The following FAM110C variants were observed in gnomAD, a reference collection of about 807,000 sequenced individuals.
FAM110C encodes the protein protein FAM110C.
A neutral mutation model predicts 15.7 loss-of-function variants in FAM110C; 19 were observed. The ratio of observed to expected loss-of-function variants is 1.21; its 90% CI spans 0.85 to 1.78. The LOEUF (loss-of-function observed/expected upper bound fraction) is 1.78. Among genes scored for constraint, FAM110C ranks in the 40% most tolerant of loss-of-function variants. The pLI, the probability that FAM110C is intolerant of heterozygous loss-of-function variation, is 0.00. For missense variants in FAM110C, 547 were observed against 495.7 expected, an observed-to-expected ratio of 1.10 and a Z score of -0.98; for synonymous variants, 275 against 233.9, an observed-to-expected ratio of 1.18 and a Z score of -1.61.
intron 1 of FAM110C, chr2:44,447 A>G: frequency 1.0e-6 from 1 of 985,438 alleles, no homozygotes; most frequent in Non-Finnish European, 1.2e-6. Context: ...ATCTTCACTT[A>G]GTTTATCACA....
Position 42,110 on chromosome 2 carries a change from G to A in FAM110C, c.947-483C>T, listed in dbSNP as rs142351333. Reference sequence around the variant, plus strand: ...GTGGCCTTATGGCTACTCAAGCCACGTGTTTACCTAAAATGTGCTCCTAGT... The same window carrying A: ...GTGGCCTTATGGCTACTCAAGCCACATGTTTACCTAAAATGTGCTCCTAGT... On this transcript the variant is annotated intron_variant, in intron 1 of 1. Transcript: ENST00000327669. The A allele has an allele frequency of 4.4e-4, 435 of 985,384 alleles. No homozygotes were observed. In the African/African-American group the frequency reaches 6.4e-3, roughly 14 times the overall value. 61.0% of individuals were successfully genotyped at this position (985,384 alleles called of 1,614,324 possible). A position where few individuals can be genotyped will look rare whatever the true frequency, so the allele number is the denominator to read the frequency against.
At chr2:41,914 G>A in intron 1 of FAM110C, 2 of 985,382 alleles carry the variant, frequency 2.0e-6, no homozygotes, top group Non-Finnish European at 2.4e-6. Context: ...GGGCAGTAAA[G>A]AAAATTTCTT....
chr2:46,437 G>A lies in FAM110C; in HGVS notation c.-52C>T, dbSNP rs1432064319. ...TTCCGGGTCCAGCGGAGACGCGCTCGAGTGGTAGAGCCAGTCAGTCCCAGG... is the reference window on the plus strand; with the variant it reads ...TTCCGGGTCCAGCGGAGACGCGCTCAAGTGGTAGAGCCAGTCAGTCCCAGG... On this transcript the variant is annotated 5_prime_UTR_variant, in exon 1 of 2. Transcript: ENST00000327669. 1 of 1,230,184 alleles carries A rather than the reference G, an allele frequency of 8.1e-7. No individual in the cohort carries two copies. The highest frequency in any genetic ancestry group is 3.0e-5 in the South Asian group (1 of 33,206). The allele number at this position is 1,230,184 out of a possible 1,614,324, so 76.2% of individuals were successfully genotyped here.
In FAM110C at chr2:40,785, A is replaced by G. The variant is rs548165424; in HGVS notation, c.*823T>C. ...AAGAGAACCATGGAGTACATTCTAA[A>G]TAGTGCTGCAAAAGTGAAATGTTGT... On this transcript the variant is annotated 3_prime_UTR_variant, in exon 2 of 2. Coordinates refer to ENST00000327669, the MANE Select transcript of FAM110C (RefSeq NM_001077710.3). The G allele has an allele frequency of 2.0e-5, 3 of 152,368 alleles. No homozygotes were observed. The highest frequency in any genetic ancestry group is 7.2e-5 in the African/African-American group (3 of 41,584). 9.4% of individuals were successfully genotyped at this position (152,368 alleles called of 1,614,324 possible). A position where few individuals can be genotyped will look rare whatever the true frequency, so the allele number is the denominator to read the frequency against.
rs1490947350 is a variant in FAM110C, at chr2:40,142, A to T, written c.*1466T>A. On this transcript the variant is annotated 3_prime_UTR_variant, in exon 2 of 2. Coordinates refer to ENST00000327669, the MANE Select transcript of FAM110C (RefSeq NM_001077710.3). ...ATTACACAATATACACAAAGAGATG[A>T]CCAAGAAAAACATGATTTAAAATTA... 1 of 152,222 alleles carries T rather than the reference A, an allele frequency of 6.6e-6. No individual in the cohort carries two copies. The highest frequency in any genetic ancestry group is 2.4e-5 in the African/African-American group (1 of 41,452). 9.4% of individuals were successfully genotyped at this position (152,222 alleles called of 1,614,324 possible).
Position 45,868 on chromosome 2 carries a change from C to T in FAM110C, c.518G>A (p.Arg173Gln). The change falls in exon 1 of 2, where the codon CGG becomes CAG. Residue 173 changes from arginine (R) to glutamine (Q), a missense_variant. Coordinates refer to ENST00000327669, the MANE Select transcript of FAM110C (RefSeq NM_001077710.3). ...CGGGACACTGGAGGGCGCCGCGGACCGCGCGGCTGGGGCTGGGGTCTCGGG... is the reference window on the plus strand; with the variant it reads ...CGGGACACTGGAGGGCGCCGCGGACTGCGCGGCTGGGGCTGGGGTCTCGGG... ...AIPETPAPAA[R>Q]SAAPSSVPAA... The T allele has an allele frequency of 1.3e-6, 2 of 1,491,866 alleles. No individual in the cohort carries two copies. The highest frequency in any genetic ancestry group is 5.1e-5 in the East Asian group (2 of 39,134). The allele number at this position is 1,491,866 out of a possible 1,614,324, so 92.4% of individuals were successfully genotyped here. A position where few individuals can be genotyped will look rare whatever the true frequency, so the allele number is the denominator to read the frequency against.
chr2:39,159 C>T lies in FAM110C; in HGVS notation c.*2449G>A, dbSNP rs1664062585. 1.3e-5 allele frequency: 2 copies of T among 152,228 alleles called. No individual in the cohort carries two copies. The highest frequency in any genetic ancestry group is 4.8e-5 in the African/African-American group (2 of 41,464). The allele number at this position is 152,228 out of a possible 1,614,324, so 9.4% of individuals were successfully genotyped here. Reference sequence around the variant, plus strand: ...TGCCCATTCTTGTGGGAAGCAATCGCAAGCTTTTCATCCCGACTGAACTAA... The same window carrying T: ...TGCCCATTCTTGTGGGAAGCAATCGTAAGCTTTTCATCCCGACTGAACTAA... On this transcript the variant is annotated 3_prime_UTR_variant, in exon 2 of 2. Transcript: ENST00000327669.
In FAM110C at chr2:41,613, G is replaced by A. The variant is rs151311604; in HGVS notation, c.961C>T (p.Arg321Ter). The change falls in exon 2 of 2, where the codon CGA becomes TGA. Residue 321 changes from arginine (R) to a stop codon, truncating the protein, a stop_gained. Coordinates refer to ENST00000327669, the MANE Select transcript of FAM110C (RefSeq NM_001077710.3). LOFTEE classifies it high-confidence loss of function. ...AATCCTTCAAGAAGTCTTCATCATC[G>A]GGAAGGTTTGCTTCCTGAGGAGTTA... is the stretch of plus-strand genomic sequence containing the variant. ...QSRTRGSKPS[R>*] is the part of the protein sequence containing the mutation. 93 of 1,613,574 alleles carry A rather than the reference G, an allele frequency of 5.8e-5. No individual in the cohort carries two copies. The highest frequency in any genetic ancestry group is 5.4e-4 in the South Asian group (49 of 90,980).
intron 1 of FAM110C, chr2:45,076 T>A: frequency 1.0e-6 from 1 of 985,402 alleles, no homozygotes; most frequent in African/African-American, 1.7e-5. Context: ...TGTTTTCAGC[T>A]CAGGAAAGAA....
Position 46,170 on chromosome 2 carries a change from C to G in FAM110C, c.216G>C (p.Gly72=). 2 of 1,399,258 alleles carry G rather than the reference C, an allele frequency of 1.4e-6. No homozygotes were observed. Among genetic ancestry groups the G allele is most frequent in the Non-Finnish European group, 1.8e-6 (2 of 1,083,108 alleles). 86.7% of individuals were successfully genotyped at this position (1,399,258 alleles called of 1,614,324 possible). ...CGCGGGCCGGGGGCCCAGGGTCGTT[C>G]CCCGGGCACTTGATCGCCCCCGGGC... ...GSGPGAIKCP[G]NDPGPPARAP... is the part of the protein sequence containing the mutation. Residue 72 remains glycine, a synonymous_variant, in exon 1 of 2, where the codon GGG becomes GGC. Transcript: ENST00000327669.
rs558055700 is a variant in FAM110C at position 43,313 on chromosome 2, G to A, written c.947-1686C>T. On this transcript the variant is annotated intron_variant, in intron 1 of 1. Coordinates refer to ENST00000327669, the MANE Select transcript of FAM110C (RefSeq NM_001077710.3). Reference sequence around the variant, plus strand: ...CTGTACCCCTGCTCTGAGAAATAATGTGAAACTTCTCAGAAGACAGTTGCC... The same window carrying A: ...CTGTACCCCTGCTCTGAGAAATAATATGAAACTTCTCAGAAGACAGTTGCC... 1.4e-5 allele frequency: 14 copies of A among 985,342 alleles called. No individual in the cohort carries two copies. The South Asian group carries it at 5.6e-4, about 40-fold the overall frequency. 61.0% of individuals were successfully genotyped at this position (985,342 alleles called of 1,614,324 possible).
intron 1 of FAM110C, 146 bp from the exon 2 acceptor site, chr2:41,773 A>G: frequency 1.5e-6 from 2 of 1,352,480 alleles, no homozygotes; most frequent in Non-Finnish European, 1.9e-6. Context: ...TTTGCGTTTT[A>G]AATTTTGACA....
Position 46,452 on chromosome 2 carries a change from T to A in FAM110C, c.-67A>T. 1 of 1,197,680 alleles carries A rather than the reference T, an allele frequency of 8.3e-7. No homozygotes were observed. Among genetic ancestry groups the A allele is most frequent in the Non-Finnish European group, 1.1e-6 (1 of 946,718 alleles). The allele number at this position is 1,197,680 out of a possible 1,614,324, so 74.2% of individuals were successfully genotyped here. On this transcript the variant is annotated 5_prime_UTR_variant, in exon 1 of 2. Transcript: ENST00000327669. The stretch of plus-strand genomic sequence containing the variant: ...AGACGCGCTCGAGTGGTAGAGCCAG[T>A]CAGTCCCAGGGCCGGTTCCGAAGTC...
chr2:43,871 A>G (rs1664197391), intron 1 of FAM110C: 2 of 985,446 alleles, frequency 2.0e-6, no homozygotes, highest in South Asian at 4.7e-5. Context: ...CAGTCATGCA[A>G]CACAGATTAT....
chr2:41,312 G>A lies in FAM110C; in HGVS notation c.*296C>T, dbSNP rs1457290140. The A allele has an allele frequency of 8.0e-6, 3 of 374,700 alleles. No homozygotes were observed. Among genetic ancestry groups the A allele is most frequent in the Non-Finnish European group, 1.4e-5 (3 of 210,822 alleles). 23.2% of individuals were successfully genotyped at this position (374,700 alleles called of 1,614,324 possible). On this transcript the variant is annotated 3_prime_UTR_variant, in exon 2 of 2. Coordinates refer to ENST00000327669, the MANE Select transcript of FAM110C (RefSeq NM_001077710.3). ...CATCACAGTACCTCTTTGTCAGCAAGTCAGTCAAAAAGATTTCCAAACAGC... is the reference window on the plus strand; with the variant it reads ...CATCACAGTACCTCTTTGTCAGCAAATCAGTCAAAAAGATTTCCAAACAGC...
intron 1 of FAM110C, chr2:42,677 G>A: frequency 3.1e-6 from 1 of 324,214 alleles, no homozygotes. Flanking sequence ...TACCCCATGG[G>A]GCAAGAAACT....
intron 1 of FAM110C, chr2:44,811 C>G: frequency 1.0e-6 from 1 of 985,424 alleles, no homozygotes; most frequent in African/African-American, 1.7e-5. Flanking sequence ...ACCTGAAGCT[C>G]TCAAAACAAT....
chr2:44,561 C>T, intron 1 of FAM110C: 1 of 985,384 alleles, frequency 1.0e-6, no homozygotes, highest in Non-Finnish European at 1.2e-6. Context: ...TTAAATTGTT[C>T]GTTCTCAAAG....
intron 1 of FAM110C, chr2:45,208 C>T (rs1221287544): frequency 8.6e-5 from 85 of 985,452 alleles, no homozygotes; most frequent in Admixed American, 3.7e-4. Flanking sequence ...ACGCAGCAGA[C>T]TCCTAAGGGC....
Sources: allele counts gnomAD v4.1 joint callset, GRCh38; gene constraint gnomAD v4.1.1; transcripts MANE v1.5; gene names NCBI Gene and HGNC (gene_info 2026-07-23, HGNC 2026-07-21).